The following SRPK2 variants were observed in gnomAD, a reference collection of about 807,000 sequenced individuals.
SRPK2 encodes SFRS protein kinase 2.
In SRPK2, 21 loss-of-function variants were observed where a neutral mutation model predicts 90.8. The observed-to-expected ratio is 0.23, with a 90% CI of 0.16 to 0.33. The LOEUF (loss-of-function observed/expected upper bound fraction) is 0.33. Ranked by LOEUF, SRPK2 falls within the 10% of genes least tolerant of loss-of-function variation. SRPK2 has a pLI of 1.00. For synonymous variants in SRPK2, 288 were observed against 311.1 expected, an observed-to-expected ratio of 0.93 and a Z score of 0.78; for missense variants, 620 against 869.0, an observed-to-expected ratio of 0.71 and a Z score of 3.60.
intron 2 of SRPK2, among the ~76,000 whole-genome samples, chr7:105,288,299 G>A (rs1157764142): frequency 1.3e-5 from 2 of 151,974 alleles, no homozygotes; most frequent in Admixed American, 6.6e-5. Flanking sequence ...AAATAAGTAA[G>A]TAAACAAACA....
At chr7:105,375,696 G>A (rs546457542) in intron 2 of SRPK2, among the ~76,000 whole-genome samples, 1 of 152,184 alleles carries the variant, frequency 6.6e-6, no homozygotes, top group East Asian at 1.9e-4. Context: ...CCACAAAACG[G>A]CCAACCTTTA....
chr7:105,293,081 T>G (rs1809281299), intron 2 of SRPK2, among the ~76,000 whole-genome samples: 1 of 152,076 alleles, frequency 6.6e-6, no homozygotes. Context: ...GCGGATCACC[T>G]GAGGTCAGGA....
rs1170983186 is a variant in SRPK2, at chr7:105,159,089, A to G, written c.621+1418T>C. On this transcript the variant is annotated intron_variant, in intron 7 of 15. Transcript: ENST00000393651. ...GTATACCTAGCATAATACTACATAG[A>G]AACACCTCAATTCAACTGATATAGA... is the stretch of plus-strand genomic sequence containing the variant. 4.6e-5 allele frequency among the ~76,000 whole-genome samples: 7 copies of G among 152,118 alleles called. No individual in the cohort carries two copies. The East Asian group carries it at 1.3e-3, about 29-fold the overall frequency.
intron 2 of SRPK2, among the ~76,000 whole-genome samples, chr7:105,371,586 CAAAA>C (rs66731193): frequency 9.4e-6 from 1 of 106,714 alleles, no homozygotes; most frequent in African/African-American, 3.9e-5. Flanking sequence ...CCCATCTCTA[CAAAA>C]AAAAAAAAAA....
At chr7:105,121,220 C>T (rs1800312170) in intron 15 of SRPK2, among the ~76,000 whole-genome samples, 1 of 151,920 alleles carries the variant, frequency 6.6e-6, no homozygotes, top group East Asian at 1.9e-4. Context: ...TGGTGCACAC[C>T]TGTAATCCCA....
chr7:105,139,030 C>T (rs1242685829), intron 11 of SRPK2, among the ~76,000 whole-genome samples: 2 of 152,116 alleles, frequency 1.3e-5, no homozygotes, highest in African/African-American at 4.8e-5. Flanking sequence ...TTGTACTATT[C>T]TTTCAAAATA....
At chr7:105,286,519 G>C (rs769969700) in intron 2 of SRPK2, among the ~76,000 whole-genome samples, 1 of 152,172 alleles carries the variant, frequency 6.6e-6, no homozygotes, top group African/African-American at 2.4e-5. Flanking sequence ...TTCTAAGACA[G>C]TCTCAGAATG....
chr7:105,283,809 G>A (rs374400216), intron 2 of SRPK2, among the ~76,000 whole-genome samples: 1 of 152,054 alleles, frequency 6.6e-6, no homozygotes, highest in African/African-American at 2.4e-5. Context: ...TAGGTAACAT[G>A]GTGAGACACC....
chr7:105,284,684 T>C (rs748882170), intron 2 of SRPK2, among the ~76,000 whole-genome samples: 1 of 152,220 alleles, frequency 6.6e-6, no homozygotes, highest in Non-Finnish European at 1.5e-5. Flanking sequence ...CAATTATCAC[T>C]TCTCTCATTT....
At chr7:105,368,604 G>C (rs1198735342) in intron 2 of SRPK2, among the ~76,000 whole-genome samples, 1 of 152,116 alleles carries the variant, frequency 6.6e-6, no homozygotes, top group East Asian at 1.9e-4. Flanking sequence ...GCCACGCTCT[G>C]CTGGCCACGG....
chr7:105,145,301 C>A lies in SRPK2; in HGVS notation c.795G>T (p.Thr265=). 6.3e-7 allele frequency: 1 copy of A among 1,589,114 alleles called. No homozygotes were observed. The highest frequency in any genetic ancestry group is 8.6e-7 in the Non-Finnish European group (1 of 1,167,276). ...TACTTACAGGTTTCTGCTGTGGAGC[C>A]GTACTCACTAAAATAAAATCAAACA... ...APPPSGSAVS[T]APQQKPIGKI... is the part of the protein sequence containing the mutation. Residue 265 remains threonine, a synonymous_variant, in exon 9 of 16, where the codon ACG becomes ACT. Coordinates refer to ENST00000393651, the MANE Select transcript of SRPK2 (RefSeq NM_182692.3).
At chr7:105,143,516 G>A in intron 9 of SRPK2, 186 bp from the exon 10 acceptor site, 2 of 716,562 alleles carry the variant, frequency 2.8e-6, no homozygotes, top group Non-Finnish European at 4.5e-6. Context: ...AAGCAGTGCT[G>A]ACTGATATCA....
At chr7:105,159,464 A>AAAAAAC (rs1807166173) in intron 7 of SRPK2, among the ~76,000 whole-genome samples, 3 of 141,680 alleles carry the variant, frequency 2.1e-5, no homozygotes, top group African/African-American at 8.8e-5. Flanking sequence ...AAAAAAAAAA[A>AAAAAAC]AAAAAAAAAC....
At chr7:105,151,813 CTG>C (rs539984694) in intron 7 of SRPK2, among the ~76,000 whole-genome samples, 26 of 152,226 alleles carry the variant, frequency 1.7e-4, no homozygotes, top group Admixed American at 1.0e-3. Context: ...CACCTGAGGT[CTG>C]GAGTTCAAGA....
intron 3 of SRPK2, among the ~76,000 whole-genome samples, chr7:105,185,688 T>C (rs1563053694): frequency 6.6e-6 from 1 of 152,234 alleles, no homozygotes; most frequent in Non-Finnish European, 1.5e-5. Context: ...AAAAGGTCTC[T>C]ATGTGGAAAA....
intron 2 of SRPK2, among the ~76,000 whole-genome samples, chr7:105,291,698 C>G (rs1393555056): frequency 6.6e-6 from 1 of 152,088 alleles, no homozygotes; most frequent in Non-Finnish European, 1.5e-5. Context: ...CCACTGCACT[C>G]CAGCCTGGGC....
At chr7:105,221,686 A>G (rs1444772227) in intron 2 of SRPK2, among the ~76,000 whole-genome samples, 1 of 151,762 alleles carries the variant, frequency 6.6e-6, no homozygotes, top group Non-Finnish European at 1.5e-5. Flanking sequence ...TCCTAACCAT[A>G]TCCTTTGCCA....
intron 7 of SRPK2, chr7:105,160,263 A>C (rs1312367597): frequency 3.4e-6 from 1 of 296,842 alleles, no homozygotes; most frequent in Non-Finnish European, 6.2e-6. Context: ...AAAAAAAAAA[A>C]CGACAGGCAA....
intron 2 of SRPK2, among the ~76,000 whole-genome samples, chr7:105,225,101 A>T (rs985770110): frequency 1.3e-5 from 2 of 152,156 alleles, no homozygotes; most frequent in Non-Finnish European, 2.9e-5. Flanking sequence ...CTGAGGTGGG[A>T]GGATCACTTG....
Sources: gnomAD v4.1 joint callset for allele counts (sites outside exome capture counted in the v4.1 genomes callset) on GRCh38, gnomAD v4.1.1 for gene constraint, MANE v1.5 for transcripts, NCBI Gene and HGNC (gene_info 2026-07-23, HGNC 2026-07-21) for gene names.